GRHL1: variants seen among roughly 807,000 people sequenced by gnomAD.
The protein encoded by GRHL1 is grainyhead-like protein 1 homolog.
A neutral mutation model predicts 75.7 loss-of-function variants in GRHL1; 38 were observed. The ratio of observed to expected loss-of-function variants is 0.50; its 90% CI spans 0.39 to 0.66. The LOEUF is 0.66. Ranked by LOEUF, GRHL1 falls within the 30% of genes least tolerant of loss-of-function variation. The pLI is 0.00. For missense variants in GRHL1, 589 were observed against 767.5 expected (o/e 0.77, Z 2.75); for synonymous variants, 266 against 279.4 (o/e 0.95, Z 0.48).
chr2:9,972,887 G>C (rs1369795121), intron 8 of GRHL1, among the ~76,000 whole-genome samples: 1 of 151,942 alleles, frequency 6.6e-6, no homozygotes, highest in African/African-American at 2.4e-5. Flanking sequence ...TTTTCTGTCT[G>C]TCTTTTTATC....
rs149302268 is a variant in GRHL1 at position 9,962,571 on chromosome 2, T to G, written c.746+40T>G. On this transcript the variant is annotated intron_variant, in intron 5 of 15. Coordinates refer to ENST00000324907, the MANE Select transcript of GRHL1 (RefSeq NM_198182.3). ...TTAATTTGATTTTTAATTTGCAGCTTTTATAACTTATTCCTTTCTTGTTAA... is the reference window on the plus strand; with the variant it reads ...TTAATTTGATTTTTAATTTGCAGCTGTTATAACTTATTCCTTTCTTGTTAA... 79 of 1,074,860 alleles carry G rather than the reference T, an allele frequency of 7.3e-5. No homozygotes were observed. The East Asian group carries it at 1.8e-3, about 25-fold the overall frequency. 66.6% of individuals were successfully genotyped at this position (1,074,860 alleles called of 1,614,324 possible).
chr2:9,951,833 G>A lies in GRHL1; in HGVS notation c.-1G>A. 3.9e-6 allele frequency: 6 copies of A among 1,522,750 alleles called. No individual in the cohort carries two copies. The highest frequency in any genetic ancestry group is 5.3e-6 in the Non-Finnish European group (6 of 1,133,380). 94.3% of individuals were successfully genotyped at this position (1,522,750 alleles called of 1,614,324 possible). ...CGGCCCGGCAGCGGCGAGCGGGCGC[G>A]ATGACACAGGAGTACGACAAGTGAG... On this transcript the variant is annotated 5_prime_UTR_variant, in exon 1 of 16. Transcript: ENST00000324907. This position sits in a 1 kb window ranked among gnomAD's most constrained non-coding sequence, Gnocchi z 4.2.
chr2:9,960,984 A>G (rs777209433), intron 3 of GRHL1, 62 bp from the exon 4 acceptor site: 46 of 1,364,778 alleles, frequency 3.4e-5, no homozygotes, highest in Non-Finnish European at 4.2e-5. Flanking sequence ...CCATTAGGAA[A>G]ATAAAAATTG....
rs146381319 is a variant in GRHL1 at position 9,989,589 on chromosome 2, C to T, written c.1270-1107C>T. On this transcript the variant is annotated intron_variant, in intron 9 of 15. Transcript: ENST00000324907. Reference sequence around the variant, plus strand: ...TCTTTGAGGGAGTCTCACTCTGTCACCCAGACTGGAGTACAGTGGTGCGAT... The same window carrying T: ...TCTTTGAGGGAGTCTCACTCTGTCATCCAGACTGGAGTACAGTGGTGCGAT... Among the ~76,000 whole-genome samples, 232 of 152,226 alleles carry T rather than the reference C, an allele frequency of 1.5e-3. 1 individual carries two copies. The highest frequency in any genetic ancestry group is 5.3e-3 in the African/African-American group (222 of 41,540).
intron 4 of GRHL1, 27 bp from the exon 5 acceptor site, chr2:9,962,428 T>C (rs1443707898): frequency 1.5e-6 from 2 of 1,357,136 alleles, no homozygotes; most frequent in African/African-American, 1.4e-5. Context: ...AGTTAAATAG[T>C]TGTGGCTTAT....
chr2:9,976,306 G>T (rs1452843985), intron 8 of GRHL1, among the ~76,000 whole-genome samples: 1 of 152,178 alleles, frequency 6.6e-6, no homozygotes, highest in Non-Finnish European at 1.5e-5. Flanking sequence ...CCCTCGGCGG[G>T]GGTGGTGGTG....
chr2:9,963,276 G>A (rs777929147), intron 5 of GRHL1, among the ~76,000 whole-genome samples: 1 of 152,124 alleles, frequency 6.6e-6, no homozygotes, highest in Non-Finnish European at 1.5e-5. Context: ...CAACTACCCC[G>A]GTCTGCCATT....
intron 2 of GRHL1, among the ~76,000 whole-genome samples, chr2:9,958,239 G>A (rs929511844): frequency 2.0e-5 from 3 of 150,396 alleles, no homozygotes; most frequent in Admixed American, 6.6e-5. Flanking sequence ...GTGCAGTGGC[G>A]CAATCTCTGC....
At chr2:9,985,251 T>C (rs1343025917) in intron 8 of GRHL1, among the ~76,000 whole-genome samples, 2 of 152,214 alleles carry the variant, frequency 1.3e-5, no homozygotes, top group Non-Finnish European at 2.9e-5. Flanking sequence ...CTCATGGAAA[T>C]AGACCCACCA....
chr2:9,967,335 C>T (rs1412250684), intron 8 of GRHL1, among the ~76,000 whole-genome samples: 1 of 152,230 alleles, frequency 6.6e-6, no homozygotes, highest in Non-Finnish European at 1.5e-5. Context: ...CCGAAAGGCC[C>T]AGCGCATGGG....
rs1668665826 is a variant in GRHL1 at position 9,992,009 on chromosome 2, T to C, written c.1324T>C (p.Ser442Pro). The C allele has an allele frequency of 1.9e-6, 3 of 1,579,180 alleles. No individual in the cohort carries two copies. Among genetic ancestry groups the C allele is most frequent in the East Asian group, 2.3e-5 (1 of 43,938 alleles). ...EERKQSKRKV[S>P]DVKVPLLPSH... is the part of the protein sequence containing the mutation. Reference sequence around the variant, plus strand: ...TTTTTAATTTTTTTTTTTTTCAGTTTCTGATGTTAAAGTGCCACTGCTTCC... The same window carrying C: ...TTTTTAATTTTTTTTTTTTTCAGTTCCTGATGTTAAAGTGCCACTGCTTCC... The change falls in exon 11 of 16, where the codon TCT (serine) becomes CCT (proline). Residue 442 changes from serine (S) to proline (P), a missense_variant and splice_region_variant. Physicochemically the swap from Ser to Pro is moderately conservative, Grantham distance 74. This residue lies in a region of GRHL1 where 192 missense variants were observed against 226.6 expected (regional missense o/e 0.85). Transcript: ENST00000324907. This position sits in a 1 kb window ranked among gnomAD's most constrained non-coding sequence, Gnocchi z 4.6.
intron 8 of GRHL1, among the ~76,000 whole-genome samples, chr2:9,981,283 G>C (rs922775249): frequency 6.6e-6 from 1 of 152,240 alleles, no homozygotes; most frequent in Admixed American, 6.5e-5. Context: ...GGCTGATAGG[G>C]ACAGTGTGTT....
chr2:9,967,880 TTTTAA>T (rs1290781962), intron 8 of GRHL1, among the ~76,000 whole-genome samples: 1 of 152,236 alleles, frequency 6.6e-6, no homozygotes, highest in African/African-American at 2.4e-5. Flanking sequence ...TGATTTCTTT[TTTTAA>T]TTGTAAGATT....
chr2:9,984,013 G>T lies in GRHL1; in HGVS notation c.1111-2111G>T, dbSNP rs111447267. ...CTACTAAAAATACAAAATTAGCCAG[G>T]TGTGGTGGTGCAAGCCTGTAATCCT... On this transcript the variant is annotated intron_variant, in intron 8 of 15. Transcript: ENST00000324907. 1.5e-4 allele frequency among the ~76,000 whole-genome samples: 23 copies of T among 152,176 alleles called. 1 individual carries two copies. In the Middle Eastern group the frequency reaches 0.017, roughly 113 times the overall value.
intron 6 of GRHL1, 48 bp downstream of exon 6, chr2:9,964,090 T>C (rs2125212306): frequency 6.4e-7 from 1 of 1,559,994 alleles, no homozygotes; most frequent in Non-Finnish European, 8.8e-7. Flanking sequence ...AGTCAGAGCC[T>C]AACATTTCCA....
chr2:9,966,399 C>G (rs1413578630), intron 8 of GRHL1: 3 of 135,678 alleles, frequency 2.2e-5, no homozygotes, highest in Admixed American at 7.1e-5. Flanking sequence ...CCCTGTCCCC[C>G]CCAAAAAAAA....
chr2:9,998,952 T>C lies in GRHL1; in HGVS notation c.1678-13T>C, dbSNP rs1046732308. The C allele has an allele frequency of 1.4e-6, 2 of 1,480,358 alleles. No homozygotes were observed. The highest frequency in any genetic ancestry group is 1.9e-6 in the Non-Finnish European group (2 of 1,081,038). The allele number at this position is 1,480,358 out of a possible 1,614,324, so 91.7% of individuals were successfully genotyped here. A position where few individuals can be genotyped will look rare whatever the true frequency, so the allele number is the denominator to read the frequency against. On this transcript the variant is annotated splice_polypyrimidine_tract_variant and intron_variant, in intron 14 of 15. Coordinates refer to ENST00000324907, the MANE Select transcript of GRHL1 (RefSeq NM_198182.3). ...ATACAGGGTTTTGTAATTATTTTTC[T>C]TTCCTCTTTTAGATCTCAGACAAAT...
intron 9 of GRHL1, among the ~76,000 whole-genome samples, chr2:9,989,585 G>A (rs552136502): frequency 1.3e-5 from 2 of 152,056 alleles, no homozygotes; most frequent in Non-Finnish European, 2.9e-5. Context: ...GTCTCACTCT[G>A]TCACCCAGAC....
At chr2:9,954,711 G>T (rs1293025718) in intron 1 of GRHL1, among the ~76,000 whole-genome samples, 1 of 152,092 alleles carries the variant, frequency 6.6e-6, no homozygotes, top group Non-Finnish European at 1.5e-5. Context: ...CCAGTTCTCT[G>T]GCTGCCTAGA....
Sources: gnomAD v4.1 joint callset for allele counts (sites outside exome capture counted in the v4.1 genomes callset) on GRCh38, gnomAD v4.1.1 for gene constraint, gnomAD v4.1.1 regional missense constraint, Gnocchi (gnomAD v3.1) non-coding constraint, MANE v1.5 for transcripts, NCBI Gene and HGNC (gene_info 2026-07-23, HGNC 2026-07-21) for gene names.